UVRAG: variants seen among roughly 807,000 people sequenced by gnomAD.
UVRAG encodes UV radiation resistance associated, also known as UV radiation resistance-associated gene protein.
In UVRAG, 19 loss-of-function variants were observed where a neutral mutation model predicts 78.0. The ratio of observed to expected loss-of-function variants is 0.24; its 90% confidence interval spans 0.17 to 0.36. UVRAG has a LOEUF of 0.36. UVRAG is among the 10% of genes least tolerant of loss of function. The probability of loss-of-function intolerance (pLI) is 1.00; values close to 1 mark genes in which losing one functional copy is unlikely to be tolerated. For synonymous variants in UVRAG, 323 were observed against 324.6 expected, an observed-to-expected ratio of 1.00 and a Z score of 0.05; for missense variants, 740 against 853.8, an observed-to-expected ratio of 0.87 and a Z score of 1.66.
intron 13 of UVRAG, among the ~76,000 whole-genome samples, chr11:76,107,756 T>G (rs1440961669): frequency 2.0e-5 from 3 of 152,234 alleles, no homozygotes; most frequent in Non-Finnish European, 4.4e-5. Flanking sequence ...TTACGTTTTC[T>G]TCTAGGAAGG....
At chr11:75,992,824 A>AC (rs1340295428) in intron 8 of UVRAG, among the ~76,000 whole-genome samples, 1 of 152,156 alleles carries the variant, frequency 6.6e-6, no homozygotes, top group Non-Finnish European at 1.5e-5. Context: ...TTTTGAAAGC[A>AC]CCATAGTCAC....
At chr11:75,829,111 C>T (rs73489936) in intron 1 of UVRAG, among the ~76,000 whole-genome samples, 3 of 152,050 alleles carry the variant, frequency 2.0e-5, no homozygotes, top group Admixed American at 6.5e-5. Context: ...TATTGCCCAA[C>T]GTCAGGCTGA....
chr11:76,075,319 G>T (rs193017362), intron 13 of UVRAG, among the ~76,000 whole-genome samples: 12 of 152,162 alleles, frequency 7.9e-5, no homozygotes, highest in Admixed American at 4.6e-4. Context: ...CATTTAAATT[G>T]TACAATTCAG....
chr11:75,887,295 G>A (rs931769997), intron 4 of UVRAG, among the ~76,000 whole-genome samples: 1 of 151,472 alleles, frequency 6.6e-6, no homozygotes, highest in Non-Finnish European at 1.5e-5. Flanking sequence ...ACAGGCGCCC[G>A]CCACCATGCC....
At chr11:75,927,517 C>T (rs865910078) in intron 6 of UVRAG, among the ~76,000 whole-genome samples, 1 of 152,054 alleles carries the variant, frequency 6.6e-6, no homozygotes, top group Non-Finnish European at 1.5e-5. Flanking sequence ...CTTCATGGAG[C>T]GTACATTTTA....
At chr11:75,846,913 T>G (rs540634779) in intron 1 of UVRAG, among the ~76,000 whole-genome samples, 1 of 152,268 alleles carries the variant, frequency 6.6e-6, no homozygotes, top group East Asian at 1.9e-4. Flanking sequence ...AACCTCTGCC[T>G]CCCTTGTTCA....
intron 6 of UVRAG, among the ~76,000 whole-genome samples, chr11:75,912,768 T>G (rs1423490462): frequency 1.3e-5 from 2 of 152,218 alleles, no homozygotes; most frequent in Admixed American, 1.3e-4. Context: ...TAGACATCCT[T>G]TATATATGTA....
chr11:75,877,942 C>T (rs1246462718), intron 3 of UVRAG, among the ~76,000 whole-genome samples: 23 of 150,138 alleles, frequency 1.5e-4, no homozygotes, highest in Non-Finnish European at 2.7e-4. Context: ...CTGGACGGGG[C>T]GGCTGGCCTG....
rs116352401 is a variant in UVRAG, at chr11:75,950,531, G to A, written c.594-10913G>A. Among the ~76,000 whole-genome samples, 752 of 152,284 alleles carry A rather than the reference G, an allele frequency of 4.9e-3. 7 individuals carry two copies. Among genetic ancestry groups the A allele is most frequent in the African/African-American group, 0.017 (708 of 41,544 alleles). ...AGCTTCCCAAAGTGTTGGGATTACA[G>A]GCATGAGCCACCGCACCCAGCCCAC... is the stretch of plus-strand genomic sequence containing the variant. On this transcript the variant is annotated intron_variant, in intron 6 of 14. Coordinates refer to ENST00000356136, the MANE Select transcript of UVRAG (RefSeq NM_003369.4).
intron 12 of UVRAG, among the ~76,000 whole-genome samples, chr11:76,052,376 A>G (rs1177087809): frequency 2.6e-5 from 4 of 152,150 alleles, no homozygotes; most frequent in Non-Finnish European, 5.9e-5. Flanking sequence ...TAAGGAAGCT[A>G]TCCTCTTTCA....
At chr11:75,963,670 A>T (rs17134483) in intron 7 of UVRAG, among the ~76,000 whole-genome samples, 1 of 152,236 alleles carries the variant, frequency 6.6e-6, no homozygotes, top group Admixed American at 6.5e-5. Context: ...ATATATGATT[A>T]ACTGTGTTAT....
At chr11:75,851,816 C>A in intron 1 of UVRAG, 67 bp from the exon 2 acceptor site, 1 of 1,259,566 alleles carries the variant, frequency 7.9e-7, no homozygotes, top group Non-Finnish European at 1.1e-6. Context: ...TTTTGAACTG[C>A]AACTTCCAGA....
intron 6 of UVRAG, among the ~76,000 whole-genome samples, chr11:75,919,768 T>C (rs116597264): frequency 0.013 from 2,049 of 152,202 alleles, 42 homozygotes; most frequent in African/African-American, 0.047. Context: ...ATTTAACAGA[T>C]GAGGAAGCAG....
intron 12 of UVRAG, among the ~76,000 whole-genome samples, chr11:76,053,962 C>G (rs1164110400): frequency 2.1e-5 from 2 of 93,758 alleles, no homozygotes; most frequent in Admixed American, 1.2e-4. Context: ...GAGCAAGACT[C>G]CATCTCAAAA....
At position 76,141,149 on chromosome 11, in the gene UVRAG, G is replaced by C; in HGVS notation, c.1836G>C (p.Gln612His). ...PSEQAGSASVQLPGEFHPVSE... is the reference protein window; with the variant it reads ...PSEQAGSASVHLPGEFHPVSE... The stretch of plus-strand genomic sequence containing the variant: ...AGCAGGCCGGGTCCGCCAGTGTCCA[G>C]CTTCCAGGCGAGTTCCACCCAGTCT... Residue 612 changes from glutamine to histidine, a missense_variant, in exon 15 of 15, where the codon CAG (glutamine) becomes CAC (histidine). Gln to His is a conservative substitution (Grantham distance 24). Coordinates refer to ENST00000356136, the MANE Select transcript of UVRAG (RefSeq NM_003369.4). 1 of 1,614,174 alleles carries C rather than the reference G, an allele frequency of 6.2e-7. No individual in the cohort carries two copies. The highest frequency in any genetic ancestry group is 8.5e-7 in the Non-Finnish European group (1 of 1,180,046).
rs757216549 is a variant in UVRAG, at chr11:75,983,527, C to G, written c.826+14C>G. The G allele has an allele frequency of 4.5e-6, 7 of 1,563,570 alleles. No individual in the cohort carries two copies. The highest frequency in any genetic ancestry group is 5.2e-6 in the Non-Finnish European group (6 of 1,151,384). ...TACAAGACAAAGGTGAGTGGAAATA[C>G]CATACAAACAGCCTAACCTCCACAT... On this transcript the variant is annotated intron_variant, in intron 8 of 14. Coordinates refer to ENST00000356136, the MANE Select transcript of UVRAG (RefSeq NM_003369.4).
At chr11:76,048,207 A>T (rs1950800561) in intron 12 of UVRAG, among the ~76,000 whole-genome samples, 1 of 152,204 alleles carries the variant, frequency 6.6e-6, no homozygotes, top group African/African-American at 2.4e-5. Flanking sequence ...GTAAGAGCAA[A>T]TGTGGGCCCT....
At chr11:76,007,260 A>T (rs1340024178) in intron 9 of UVRAG, among the ~76,000 whole-genome samples, 2 of 152,078 alleles carry the variant, frequency 1.3e-5, no homozygotes, top group Non-Finnish European at 2.9e-5. Flanking sequence ...AAGTGCTGGG[A>T]TTATGGGAGT....
At chr11:75,880,081 A>G (rs1946903287) in intron 4 of UVRAG, 41 bp downstream of exon 4, 1 of 1,607,556 alleles carries the variant, frequency 6.2e-7, no homozygotes, top group Non-Finnish European at 8.5e-7. Context: ...GTCATCTCCA[A>G]ATTAACGTGT....
Sources: allele counts gnomAD v4.1 joint callset (sites outside exome capture counted in the v4.1 genomes callset), GRCh38; gene constraint gnomAD v4.1.1; transcripts MANE v1.5; gene names NCBI Gene and HGNC (gene_info 2026-07-23, HGNC 2026-07-21).